KCNQ1: variants seen among roughly 807,000 people sequenced by gnomAD.
KCNQ1 encodes potassium voltage-gated channel subfamily Q member 1.
A neutral mutation model predicts 72.4 loss-of-function variants in KCNQ1; 49 were observed. That is an observed-to-expected ratio of 0.68 (90% CI 0.54 to 0.86). The LOEUF (loss-of-function observed/expected upper bound fraction) is 0.86. KCNQ1 is among the 40% of genes least tolerant of loss of function. The pLI is 0.00. For missense variants in KCNQ1, 790 were observed against 945.1 expected (o/e 0.84, Z 2.15); for synonymous variants, 450 against 412.6 (o/e 1.09, Z -1.10).
chr11:2,566,161 C>A lies in KCNQ1; in HGVS notation c.478-4467C>A, dbSNP rs528152905. Among the ~76,000 whole-genome samples the A allele has an allele frequency of 1.3e-5, 2 of 152,294 alleles. No homozygotes were observed. Among genetic ancestry groups the A allele is most frequent in the South Asian group, 4.1e-4 (2 of 4,826 alleles). ...TTGGTTACCCTCTCTCTCCCAGGGC[C>A]ACTTTTGCAGCCTGGTGTCCTTATC... On this transcript the variant is annotated intron_variant, in intron 2 of 15. Coordinates refer to ENST00000155840, the MANE Select transcript of KCNQ1 (RefSeq NM_000218.3). This position sits in a 1 kb window ranked among gnomAD's most constrained non-coding sequence, Gnocchi z 6.7.
chr11:2,472,024 ATGGT>A (rs1481074493), intron 1 of KCNQ1, among the ~76,000 whole-genome samples: 9 of 136,552 alleles, frequency 6.6e-5, no homozygotes, highest in African/African-American at 2.5e-4. Flanking sequence ...AGGTGTATGT[ATGGT>A]TGTGTGTGTA....
chr11:2,644,019 G>A (rs907720558), intron 10 of KCNQ1: 3 of 398,328 alleles, frequency 7.5e-6, no homozygotes, highest in African/African-American at 6.2e-5. Context: ...TTTATCGCTG[G>A]TTTTATGATT....
At position 2,550,141 on chromosome 11, in the gene KCNQ1, T is replaced by C. The variant is rs2283162; in HGVS notation, c.478-20487T>C. 0.47 allele frequency among the ~76,000 whole-genome samples: 70,825 copies of C among 152,122 alleles called. 19,228 individuals carry two copies. The highest frequency in any genetic ancestry group is 0.74 in the African/African-American group (30,871 of 41,510). ...AGAGTTGTCTGTAGAGAACCAGAGC[T>C]GCCGAGCCCCGGCCTGGATGGACAT... On this transcript the variant is annotated intron_variant, in intron 2 of 15. Transcript: ENST00000155840. This position sits in a 1 kb window ranked among gnomAD's most constrained non-coding sequence, Gnocchi z 6.0.
rs1046027191 is a variant in KCNQ1 at position 2,772,048 on chromosome 11, G to A, written c.1590+3129G>A. 4.6e-5 allele frequency among the ~76,000 whole-genome samples: 7 copies of A among 152,168 alleles called. No homozygotes were observed. Among genetic ancestry groups the A allele is most frequent in the South Asian group, 2.1e-4 (1 of 4,836 alleles). ...GGCACAGAGGCTCCTGCACAAAGCC[G>A]CTGGGGCTCCCTCCGACCTCACCAG... On this transcript the variant is annotated intron_variant, in intron 12 of 15. Coordinates refer to ENST00000155840, the MANE Select transcript of KCNQ1 (RefSeq NM_000218.3). This position sits in a 1 kb window ranked among gnomAD's most constrained non-coding sequence, Gnocchi z 6.6.
rs1847500349 is a variant in KCNQ1 at position 2,526,139 on chromosome 11, A to C, written c.387-1789A>C. On this transcript the variant is annotated intron_variant, in intron 1 of 15. Coordinates refer to ENST00000155840, the MANE Select transcript of KCNQ1 (RefSeq NM_000218.3). The surrounding 1 kb of genome is among the most constrained non-coding windows in gnomAD (Gnocchi z 6.1). Reference sequence around the variant, plus strand: ...GCTGGGCACAGTCAGGACTGGCAACAAGGGCCGGGAGGAGCTGGGGTGATC... The same window carrying C: ...GCTGGGCACAGTCAGGACTGGCAACCAGGGCCGGGAGGAGCTGGGGTGATC... 6.6e-6 allele frequency among the ~76,000 whole-genome samples: 1 copy of C among 152,102 alleles called. No homozygotes were observed. The highest frequency in any genetic ancestry group is 1.5e-5 in the Non-Finnish European group (1 of 67,998).
At chr11:2,622,761 A>T (rs10766228) in intron 10 of KCNQ1, 343,422 of 398,448 alleles carry the variant, frequency 0.86, 148,538 homozygotes, top group East Asian at 0.91. Flanking sequence ...AGCAAAATTG[A>T]GAGGTAAGTA....
Position 2,671,949 on chromosome 11 carries a change from G to C in KCNQ1, c.1514+9868G>C, listed in dbSNP as rs938706571. On this transcript the variant is annotated intron_variant, in intron 11 of 15. Coordinates refer to ENST00000155840, the MANE Select transcript of KCNQ1 (RefSeq NM_000218.3). This position sits in a 1 kb window ranked among gnomAD's most constrained non-coding sequence, Gnocchi z 4.7. ...CAGGCAGCTAGTCTCTGTATCTGGGGTAGAAAGAGTGGGCTAAAAAGTCAG... is the reference window on the plus strand; with the variant it reads ...CAGGCAGCTAGTCTCTGTATCTGGGCTAGAAAGAGTGGGCTAAAAAGTCAG... 2 of 398,530 alleles carry C rather than the reference G, an allele frequency of 5.0e-6. No individual in the cohort carries two copies. The highest frequency in any genetic ancestry group is 4.1e-5 in the African/African-American group (2 of 48,606). 24.7% of individuals were successfully genotyped at this position (398,530 alleles called of 1,614,324 possible).
intron 15 of KCNQ1, among the ~76,000 whole-genome samples, chr11:2,837,913 C>T (rs901834300): frequency 3.9e-5 from 6 of 152,166 alleles, no homozygotes; most frequent in Admixed American, 2.6e-4. Context: ...CAAAGGTTCT[C>T]GCCCAGCAAG....
chr11:2,708,716 C>G (rs231903), intron 11 of KCNQ1, among the ~76,000 whole-genome samples: 97,655 of 151,598 alleles, frequency 0.64, 32,735 homozygotes, highest in East Asian at 0.99. Flanking sequence ...ACGCGGGTTG[C>G]GGGGGGCGGT....
chr11:2,711,880 G>A lies in KCNQ1; in HGVS notation c.1514+49799G>A, dbSNP rs1256189674. Among the ~76,000 whole-genome samples, 5 of 152,122 alleles carry A rather than the reference G, an allele frequency of 3.3e-5. No homozygotes were observed. Among genetic ancestry groups the A allele is most frequent in the East Asian group, 1.9e-4 (1 of 5,180 alleles). The stretch of plus-strand genomic sequence containing the variant: ...TTGAGGGGAGGCAGAGTTGGCTCAC[G>A]GGAAAGGCTGGCCCTGAGGCATGGC... On this transcript the variant is annotated intron_variant, in intron 11 of 15. Transcript: ENST00000155840. This position sits in a 1 kb window ranked among gnomAD's most constrained non-coding sequence, Gnocchi z 5.4.
At chr11:2,786,658 G>C (rs1238253370) in intron 15 of KCNQ1, among the ~76,000 whole-genome samples, 2 of 149,776 alleles carry the variant, frequency 1.3e-5, no homozygotes, top group Admixed American at 6.6e-5. Flanking sequence ...TTGTTTCTTT[G>C]ACTGTGTTTA....
At chr11:2,506,479 A>C (rs1296533514) in intron 1 of KCNQ1, among the ~76,000 whole-genome samples, 1 of 152,190 alleles carries the variant, frequency 6.6e-6, no homozygotes, top group East Asian at 1.9e-4. Context: ...GGTTGTTCTG[A>C]TATTGTGCAA....
chr11:2,696,532 G>T (rs1175092586), intron 11 of KCNQ1: 2 of 398,510 alleles, frequency 5.0e-6, no homozygotes, highest in Non-Finnish European at 8.8e-6. Flanking sequence ...CAAAAGTTCA[G>T]TTGGCATTTA....
intron 15 of KCNQ1, among the ~76,000 whole-genome samples, chr11:2,790,423 A>T (rs992276185): frequency 6.6e-6 from 1 of 152,010 alleles, no homozygotes; most frequent in African/African-American, 2.4e-5. Flanking sequence ...TACCCATGGG[A>T]CCCTGAACCC....
intron 1 of KCNQ1, among the ~76,000 whole-genome samples, chr11:2,525,992 T>TGG (rs1703231391): frequency 6.6e-6 from 1 of 152,076 alleles, no homozygotes; most frequent in Non-Finnish European, 1.5e-5. Context: ...TGGGGTGTTG[T>TGG]GGGGGCCAGG....
intron 11 of KCNQ1, chr11:2,688,609 T>C (rs1850533486): frequency 2.5e-6 from 1 of 398,608 alleles, no homozygotes; most frequent in African/African-American, 2.1e-5. Flanking sequence ...GCACTCATCT[T>C]GTGCTGTGCC....
chr11:2,761,334 G>A (rs1419850099), intron 11 of KCNQ1, among the ~76,000 whole-genome samples: 3 of 152,054 alleles, frequency 2.0e-5, no homozygotes, highest in Non-Finnish European at 2.9e-5. Flanking sequence ...TACCCTCAAC[G>A]TCCAGCCGCT....
intron 2 of KCNQ1, among the ~76,000 whole-genome samples, chr11:2,545,832 C>T (rs769445610): frequency 5.9e-5 from 9 of 152,128 alleles, no homozygotes; most frequent in Non-Finnish European, 1.3e-4. Context: ...CTGTTACTAT[C>T]CTTTAAACAG....
chr11:2,812,103 T>C (rs1463120308), intron 15 of KCNQ1, among the ~76,000 whole-genome samples: 1 of 152,110 alleles, frequency 6.6e-6, no homozygotes, highest in Non-Finnish European at 1.5e-5. Context: ...CAGGCACCCA[T>C]GCTCCCTGCA....
Sources: allele counts gnomAD v4.1 joint callset (sites outside exome capture counted in the v4.1 genomes callset), GRCh38; gene constraint gnomAD v4.1.1; non-coding constraint Gnocchi (gnomAD v3.1); transcripts MANE v1.5; gene names NCBI Gene and HGNC (gene_info 2026-07-23, HGNC 2026-07-21).